FYN: variants seen among roughly 807,000 people sequenced by gnomAD.
FYN encodes the protein tyrosine-protein kinase Fyn.
In FYN, 10 loss-of-function variants were observed where a neutral mutation model predicts 70.2. That is an observed-to-expected ratio of 0.14 (90% CI 0.09 to 0.24). The LOEUF (loss-of-function observed/expected upper bound fraction) is 0.24, where lower values mean the gene tolerates loss of function less well. Among genes scored for constraint, FYN ranks in the 10% least tolerant of loss-of-function variants. The probability of loss-of-function intolerance (pLI) is 1.00; values close to 1 mark genes in which losing one functional copy is unlikely to be tolerated. For synonymous variants in FYN, 236 were observed against 248.6 expected (o/e 0.95, Z 0.48); for missense variants, 319 against 673.1 (o/e 0.47, Z 5.82).
intron 3 of FYN, among the ~76,000 whole-genome samples, chr6:111,755,695 T>A (rs1802700684): frequency 6.6e-6 from 1 of 152,214 alleles, no homozygotes; most frequent in Non-Finnish European, 1.5e-5. Context: ...ACAGATTTTT[T>A]AAGTTAGAAA....
At chr6:111,811,854 CT>C (rs34854018) in intron 2 of FYN, among the ~76,000 whole-genome samples, 3,167 of 152,254 alleles carry the variant, frequency 0.021, 97 homozygotes, top group African/African-American at 0.07. Flanking sequence ...ACTGCAGCGC[CT>C]ATTGTGGGCC....
chr6:111,795,644 T>A (rs1054678486), intron 2 of FYN, among the ~76,000 whole-genome samples: 8 of 152,198 alleles, frequency 5.3e-5, no homozygotes, highest in Non-Finnish European at 1.0e-4. Context: ...ACATGTTTGG[T>A]AGCAAAATCA....
At chr6:111,669,419 A>G (rs1798160138) in intron 13 of FYN, among the ~76,000 whole-genome samples, 1 of 137,432 alleles carries the variant, frequency 7.3e-6, no homozygotes. Context: ...TGGCTGACAG[A>G]GCAAGATTCC....
intron 8 of FYN, chr6:111,702,562 T>A (rs928995795): frequency 1.9e-5 from 4 of 208,518 alleles, no homozygotes; most frequent in Non-Finnish European, 3.8e-5. Context: ...GACTGCTTTC[T>A]CACATGCAAC....
intron 4 of FYN, among the ~76,000 whole-genome samples, chr6:111,717,100 T>C (rs1436195698): frequency 6.6e-6 from 1 of 152,134 alleles, no homozygotes; most frequent in African/African-American, 2.4e-5. Context: ...TAATTTTTTA[T>C]TTTTGTTTTA....
chr6:111,698,148 G>A (rs946348231), intron 9 of FYN, among the ~76,000 whole-genome samples: 10 of 150,030 alleles, frequency 6.7e-5, no homozygotes, highest in African/African-American at 1.5e-4. Flanking sequence ...TTCTTGAGAC[G>A]GAGTTTCGCT....
intron 3 of FYN, among the ~76,000 whole-genome samples, chr6:111,762,630 C>A (rs903989154): frequency 6.6e-6 from 1 of 152,128 alleles, no homozygotes; most frequent in Non-Finnish European, 1.5e-5. Context: ...GTATTTTACC[C>A]TAACATATAT....
At chr6:111,797,687 T>TATAA (rs1771853172) in intron 2 of FYN, among the ~76,000 whole-genome samples, 1 of 73,082 alleles carries the variant, frequency 1.4e-5, no homozygotes, top group Non-Finnish European at 2.2e-5. Flanking sequence ...TATATATATA[T>TATAA]ATATATATAT....
chr6:111,729,684 A>C (rs1801357735), intron 3 of FYN, among the ~76,000 whole-genome samples: 1 of 152,244 alleles, frequency 6.6e-6, no homozygotes, highest in Admixed American at 6.5e-5. Flanking sequence ...AGCAGAAATT[A>C]AAACTTACAT....
chr6:111,724,376 G>A (rs1342107385), intron 3 of FYN, among the ~76,000 whole-genome samples: 1 of 152,174 alleles, frequency 6.6e-6, no homozygotes, highest in East Asian at 1.9e-4. Context: ...GATCCAAGAT[G>A]AGTCTGGTTG....
At chr6:111,856,316 A>G (rs886637137) in intron 1 of FYN, among the ~76,000 whole-genome samples, 4 of 152,210 alleles carry the variant, frequency 2.6e-5, no homozygotes, top group African/African-American at 9.6e-5. Flanking sequence ...GTACACATAG[A>G]AGCCAATCAA....
intron 2 of FYN, among the ~76,000 whole-genome samples, chr6:111,790,247 TACACACACACACACACACAC>T (rs61565042): frequency 6.1e-4 from 77 of 125,954 alleles, no homozygotes; most frequent in African/African-American, 9.4e-4. Context: ...GAACCTTAGA[TACACACACACACACACACAC>T]ACACACACAC....
intron 3 of FYN, among the ~76,000 whole-genome samples, chr6:111,771,644 C>T (rs1332458256): frequency 6.6e-6 from 1 of 152,224 alleles, no homozygotes; most frequent in African/African-American, 2.4e-5. Context: ...AAAGCCTTGG[C>T]CTACCCAAGG....
At chr6:111,748,667 A>ATAC (rs1802346531) in intron 3 of FYN, among the ~76,000 whole-genome samples, 4 of 152,258 alleles carry the variant, frequency 2.6e-5, no homozygotes, top group Non-Finnish European at 2.9e-5. Context: ...ATGTAATGTA[A>ATAC]GTATAAAGCA....
chr6:111,800,497 A>G (rs1583455937), intron 2 of FYN, among the ~76,000 whole-genome samples: 2 of 152,296 alleles, frequency 1.3e-5, no homozygotes, highest in East Asian at 3.9e-4. Context: ...AGGAAAAGAA[A>G]ACGTACAAAA....
intron 9 of FYN, chr6:111,699,880 T>C: frequency 1.6e-6 from 1 of 642,502 alleles, no homozygotes; most frequent in Non-Finnish European, 2.5e-6. Flanking sequence ...ATAGTACAAC[T>C]TGAGCCATTT....
chr6:111,664,769 C>A (rs1015827237), intron 13 of FYN, among the ~76,000 whole-genome samples: 1 of 152,204 alleles, frequency 6.6e-6, no homozygotes, highest in African/African-American at 2.4e-5. Flanking sequence ...TTTCTTCTGC[C>A]CAGACCTCTC....
chr6:111,834,131 T>C (rs1224998801), intron 2 of FYN, among the ~76,000 whole-genome samples: 1 of 152,116 alleles, frequency 6.6e-6, no homozygotes, highest in African/African-American at 2.4e-5. Context: ...AAGTTAGCAA[T>C]AAATTGTTTA....
At chr6:111,692,108 C>T (rs111802155) in intron 12 of FYN, among the ~76,000 whole-genome samples, 30 of 149,504 alleles carry the variant, frequency 2.0e-4, no homozygotes, top group Non-Finnish European at 3.3e-4. Flanking sequence ...ATTTCCCCCC[C>T]CCCCAGTTCA....
Sources: allele counts gnomAD v4.1 joint callset (sites outside exome capture counted in the v4.1 genomes callset), GRCh38; gene constraint gnomAD v4.1.1; transcripts MANE v1.5; gene names NCBI Gene and HGNC (gene_info 2026-07-23, HGNC 2026-07-21).